Variants in KIAA1549L observed in about 807,000 individuals in gnomAD.
KIAA1549L encodes UPF0606 protein KIAA1549L.
KIAA1549L carries 88 observed loss-of-function variants against 160.7 expected under a neutral mutation model. That is an observed-to-expected ratio of 0.55 (90% CI 0.46 to 0.65). The LOEUF is 0.65. KIAA1549L is among the 30% of genes least tolerant of loss of function. The pLI is 0.00. For missense variants in KIAA1549L, 2,258 were observed against 2,437.5 expected (o/e 0.93, Z 1.55); for synonymous variants, 950 against 976.7 (o/e 0.97, Z 0.51).
chr11:33,384,944 GTTTTTT>G (rs1169302830), intron 1 of KIAA1549L, among the ~76,000 whole-genome samples: 1 of 123,684 alleles, frequency 8.1e-6, no homozygotes, highest in Admixed American at 7.7e-5. Flanking sequence ...TTTGTTTTTT[GTTTTTT>G]TTTTTTAAAA....
Position 33,494,968 on chromosome 11 carries a change from A to G in KIAA1549L, c.239-46834A>G, listed in dbSNP as rs374166498. ...AGAAATGCGTTCTTTGTTAAGTGCT[A>G]AGACAGGAGAAGTATACCTTGTTGT... On this transcript the variant is annotated intron_variant, in intron 1 of 20. Coordinates refer to ENST00000658780, the MANE Select transcript of KIAA1549L (RefSeq NM_012194.3). 4.6e-5 allele frequency among the ~76,000 whole-genome samples: 7 copies of G among 152,296 alleles called. No homozygotes were observed. The South Asian group carries it at 1.5e-3, about 32-fold the overall frequency.
chr11:33,552,351 CTT>C (rs1163250299), intron 6 of KIAA1549L, 110 bp downstream of exon 6: 3 of 1,196,082 alleles, frequency 2.5e-6, no homozygotes, highest in Non-Finnish European at 3.5e-6. Context: ...ATAAATGTAA[CTT>C]TGTACTTCAG....
chr11:33,543,899 T>G lies in KIAA1549L; in HGVS notation c.2336T>G (p.Leu779Arg). The G allele has an allele frequency of 6.2e-7, 1 of 1,614,030 alleles. No homozygotes were observed. The highest frequency in any genetic ancestry group is 8.5e-7 in the Non-Finnish European group (1 of 1,179,898). Residue 779 changes from leucine (L) to arginine (R), a missense_variant, in exon 2 of 21, where the codon CTC (leucine) becomes CGC (arginine). Physicochemically the swap from Leu to Arg is moderately radical, Grantham distance 102 (BLOSUM62 -2). Transcript: ENST00000658780. Reference sequence around the variant, plus strand: ...GGGTTTAGTATTCAGGATCTAGTCCTCGGTACAAGCATTGAGCAGCCTGTG... The same window carrying G: ...GGGTTTAGTATTCAGGATCTAGTCCGCGGTACAAGCATTGAGCAGCCTGTG... The part of the protein sequence containing the change: ...AEGFSIQDLV[L>R]GTSIEQPVQQ...
chr11:33,650,468 C>T (rs1027945876), intron 17 of KIAA1549L, among the ~76,000 whole-genome samples: 4 of 152,112 alleles, frequency 2.6e-5, no homozygotes, highest in African/African-American at 4.8e-5. Context: ...GCTCTTCCTC[C>T]GTATTTTATG....
intron 1 of KIAA1549L, among the ~76,000 whole-genome samples, chr11:33,521,844 A>C (rs1057295720): frequency 2.0e-5 from 3 of 152,230 alleles, no homozygotes; most frequent in Admixed American, 1.3e-4. Context: ...CTGAAGGAGA[A>C]TGGAAGGATA....
chr11:33,510,210 G>A (rs193055646), intron 1 of KIAA1549L, among the ~76,000 whole-genome samples: 20 of 151,640 alleles, frequency 1.3e-4, no homozygotes, highest in Non-Finnish European at 2.2e-4. Context: ...TCTTTCTTTC[G>A]TGTCTTGTTC....
intron 1 of KIAA1549L, among the ~76,000 whole-genome samples, chr11:33,403,976 T>C (rs1156673097): frequency 2.0e-5 from 3 of 152,196 alleles, no homozygotes; most frequent in Non-Finnish European, 2.9e-5. Context: ...ACCACTGATT[T>C]AGGTATTTTA....
At chr11:33,536,239 A>T (rs1289372310) in intron 1 of KIAA1549L, among the ~76,000 whole-genome samples, 1 of 152,224 alleles carries the variant, frequency 6.6e-6, no homozygotes, top group East Asian at 1.9e-4. Context: ...TATTATGCCC[A>T]TGGTTTTGGG....
chr11:33,629,014 G>A (rs1251988696), intron 16 of KIAA1549L, among the ~76,000 whole-genome samples: 2 of 151,350 alleles, frequency 1.3e-5, no homozygotes, highest in Non-Finnish European at 1.5e-5. Context: ...TTGCTTGTCT[G>A]TAAAGTATTT....
At chr11:33,435,904 A>G (rs1851369470) in intron 1 of KIAA1549L, among the ~76,000 whole-genome samples, 1 of 142,064 alleles carries the variant, frequency 7.0e-6, no homozygotes, top group South Asian at 2.2e-4. Context: ...ACAGTTGGTC[A>G]TCAACTTCCA....
chr11:33,661,898 A>G (rs1315351038), intron 20 of KIAA1549L, among the ~76,000 whole-genome samples: 2 of 150,774 alleles, frequency 1.3e-5, no homozygotes, highest in Non-Finnish European at 3.0e-5. Context: ...AAAAAAAAAA[A>G]AAAAAAAAGA....
rs1851310558 is a variant in KIAA1549L, at chr11:33,434,228, C to T, written c.238+57339C>T. Among the ~76,000 whole-genome samples, 3 of 152,090 alleles carry T rather than the reference C, an allele frequency of 2.0e-5. 1 individual carries two copies. The South Asian group carries it at 6.2e-4, about 32-fold the overall frequency. On this transcript the variant is annotated intron_variant, in intron 1 of 20. Coordinates refer to ENST00000658780, the MANE Select transcript of KIAA1549L (RefSeq NM_012194.3). ...AATCATGGGGGCAGTTTCTCCCATACTGTTCTCGTGGTAGTGAATAAGTCT... is the reference window on the plus strand; with the variant it reads ...AATCATGGGGGCAGTTTCTCCCATATTGTTCTCGTGGTAGTGAATAAGTCT...
intron 1 of KIAA1549L, among the ~76,000 whole-genome samples, chr11:33,530,556 T>C (rs913592200): frequency 6.7e-6 from 1 of 148,610 alleles, no homozygotes; most frequent in Non-Finnish European, 1.5e-5. Context: ...GTTCTGTGGT[T>C]GACTTTAAAC....
intron 1 of KIAA1549L, among the ~76,000 whole-genome samples, chr11:33,507,000 C>T (rs1212700585): frequency 6.6e-6 from 1 of 152,048 alleles, no homozygotes; most frequent in Non-Finnish European, 1.5e-5. Context: ...TGGGGATCAG[C>T]CCTGTTCAGT....
intron 1 of KIAA1549L, among the ~76,000 whole-genome samples, chr11:33,435,116 C>T (rs1393964661): frequency 1.3e-5 from 2 of 152,136 alleles, no homozygotes; most frequent in Non-Finnish European, 2.9e-5. Context: ...AAAGATTAAT[C>T]ATAAAAGTTC....
At chr11:33,623,662 TATC>T (rs1278228959) in intron 16 of KIAA1549L, among the ~76,000 whole-genome samples, 2 of 152,086 alleles carry the variant, frequency 1.3e-5, no homozygotes, top group African/African-American at 4.8e-5. Context: ...GAAAGACACT[TATC>T]AACCCCAGTG....
chr11:33,408,971 A>G (rs1399085761), intron 1 of KIAA1549L, among the ~76,000 whole-genome samples: 2 of 149,270 alleles, frequency 1.3e-5, no homozygotes, highest in African/African-American at 4.9e-5. Flanking sequence ...AAAAAAAAAA[A>G]TTAGGTATCC....
intron 16 of KIAA1549L, among the ~76,000 whole-genome samples, chr11:33,631,554 C>T (rs961509714): frequency 1.3e-5 from 2 of 152,196 alleles, no homozygotes; most frequent in African/African-American, 4.8e-5. Context: ...AAGCCCCTCC[C>T]AGTTGTGACA....
chr11:33,461,669 C>T (rs1440166879), intron 1 of KIAA1549L, among the ~76,000 whole-genome samples: 1 of 152,176 alleles, frequency 6.6e-6, no homozygotes, highest in Non-Finnish European at 1.5e-5. Flanking sequence ...AAAAAATCTA[C>T]CTAAATAATA....
Sources: allele counts gnomAD v4.1 joint callset (sites outside exome capture counted in the v4.1 genomes callset), GRCh38; gene constraint gnomAD v4.1.1; transcripts MANE v1.5; gene names NCBI Gene and HGNC (gene_info 2026-07-23, HGNC 2026-07-21).